Variants in ZBTB7C observed in about 807,000 individuals in gnomAD.
ZBTB7C encodes the protein zinc finger and BTB domain containing 7C, also known as zinc finger and BTB domain-containing protein 7C.
ZBTB7C carries 8 observed loss-of-function variants against 25.7 expected under a neutral mutation model. The ratio of observed to expected loss-of-function variants is 0.31; its 90% CI spans 0.18 to 0.56. The LOEUF is 0.56. Ranked by LOEUF, ZBTB7C falls within the 20% of genes least tolerant of loss-of-function variation. ZBTB7C has a pLI of 0.91. For missense variants in ZBTB7C, 824 were observed against 855.2 expected (o/e 0.96, Z 0.46); for synonymous variants, 394 against 369.0 (o/e 1.07, Z -0.78).
intron 3 of ZBTB7C, among the ~76,000 whole-genome samples, chr18:48,167,563 G>GGT (rs748451365): frequency 0.055 from 7,869 of 142,476 alleles, 554 homozygotes; most frequent in African/African-American, 0.17. Context: ...GCATTGCTAG[G>GGT]GTGTGTGTGT....
intron 1 of ZBTB7C, among the ~76,000 whole-genome samples, 195 bp downstream of exon 1, chr18:48,409,031 G>A (rs1276701180): frequency 2.0e-5 from 3 of 150,756 alleles, no homozygotes; most frequent in Non-Finnish European, 3.0e-5. Context: ...GGGCGCCCCT[G>A]CTCCAGCCGG....
chr18:48,062,272 T>A (rs72918189), intron 3 of ZBTB7C, among the ~76,000 whole-genome samples: 9 of 152,086 alleles, frequency 5.9e-5, no homozygotes, highest in African/African-American at 2.2e-4. Flanking sequence ...GGGGAACACC[T>A]TTAAGGGGCT....
At chr18:48,367,439 G>A (rs1417680213) in intron 1 of ZBTB7C, among the ~76,000 whole-genome samples, 2 of 147,642 alleles carry the variant, frequency 1.4e-5, no homozygotes, top group Non-Finnish European at 3.0e-5. Flanking sequence ...ATGTGACCTG[G>A]GAGACAGCAG....
intron 2 of ZBTB7C, among the ~76,000 whole-genome samples, chr18:48,194,283 A>C (rs1048404279): frequency 1.3e-5 from 2 of 152,184 alleles, no homozygotes; most frequent in African/African-American, 4.8e-5. Flanking sequence ...CAGCCAGGGG[A>C]GGAGGGATCT....
At chr18:48,153,105 C>A (rs537207623) in intron 3 of ZBTB7C, among the ~76,000 whole-genome samples, 1 of 152,358 alleles carries the variant, frequency 6.6e-6, no homozygotes, top group African/African-American at 2.4e-5. Flanking sequence ...CACAAAAGGG[C>A]TGGACTCTGA....
intron 3 of ZBTB7C, among the ~76,000 whole-genome samples, chr18:48,129,660 G>A (rs762637390): frequency 1.7e-4 from 26 of 152,218 alleles, no homozygotes; most frequent in Non-Finnish European, 2.6e-4. Context: ...GCCCGGAAGG[G>A]AGGGAGAGGC....
chr18:48,162,254 A>G (rs868542852), intron 3 of ZBTB7C: 29 of 424,882 alleles, frequency 6.8e-5, no homozygotes, highest in African/African-American at 5.7e-4. Context: ...TCTACCGGAA[A>G]CAGAGCCACG....
At chr18:48,207,985 C>A (rs574590590) in intron 2 of ZBTB7C, among the ~76,000 whole-genome samples, 2 of 146,688 alleles carry the variant, frequency 1.4e-5, no homozygotes, top group Non-Finnish European at 3.0e-5. Flanking sequence ...GAAAATTCAT[C>A]AAGCTGTGCA....
At chr18:48,117,469 C>T (rs771381756) in intron 3 of ZBTB7C, among the ~76,000 whole-genome samples, 3 of 152,164 alleles carry the variant, frequency 2.0e-5, no homozygotes, top group Admixed American at 6.5e-5. Context: ...AGAGAGACCA[C>T]GGGTTGAAGT....
At chr18:48,359,818 G>A (rs1296161073) in intron 1 of ZBTB7C, among the ~76,000 whole-genome samples, 2 of 152,246 alleles carry the variant, frequency 1.3e-5, no homozygotes, top group Non-Finnish European at 2.9e-5. Flanking sequence ...GCAGAAGGGA[G>A]GAGGGGAAGC....
At chr18:48,186,312 ACTTCT>A in intron 2 of ZBTB7C, among the ~76,000 whole-genome samples, 1 of 152,092 alleles carries the variant, frequency 6.6e-6, no homozygotes, top group Non-Finnish European at 1.5e-5. Context: ...TGAGGCCTCC[ACTTCT>A]GTAGCATGGG....
At chr18:48,365,350 C>A (rs989381929) in intron 1 of ZBTB7C, among the ~76,000 whole-genome samples, 4 of 152,168 alleles carry the variant, frequency 2.6e-5, no homozygotes, top group Non-Finnish European at 5.9e-5. Context: ...TTGATAAATT[C>A]TGTCCTTTGA....
chr18:48,412,315 AAG>A (rs1199525054), upstream of ZBTB7C, among the ~76,000 whole-genome samples: 2 of 152,342 alleles, frequency 1.3e-5, no homozygotes, highest in East Asian at 1.9e-4. Flanking sequence ...TTCAAGAAAA[AAG>A]AGGGGAATTA....
At chr18:48,232,310 C>T (rs560748988) in intron 2 of ZBTB7C, among the ~76,000 whole-genome samples, 34 of 152,284 alleles carry the variant, frequency 2.2e-4, no homozygotes, top group African/African-American at 8.2e-4. Flanking sequence ...AAGATTCTTC[C>T]CTATAACCTT....
chr18:48,132,299 A>C (rs528206696), intron 3 of ZBTB7C, among the ~76,000 whole-genome samples: 10 of 152,350 alleles, frequency 6.6e-5, no homozygotes, highest in African/African-American at 2.4e-4. Context: ...GTGTTAGGTT[A>C]GTTGAAAGAC....
intron 3 of ZBTB7C, among the ~76,000 whole-genome samples, chr18:48,122,741 T>C (rs1475584588): frequency 2.0e-5 from 3 of 152,188 alleles, no homozygotes; most frequent in Non-Finnish European, 2.9e-5. Flanking sequence ...CTTCCGGGAT[T>C]CTTGTCCTGC....
chr18:48,407,924 C>T (rs987082142), intron 1 of ZBTB7C, among the ~76,000 whole-genome samples: 5 of 152,246 alleles, frequency 3.3e-5, no homozygotes, highest in African/African-American at 1.2e-4. Context: ...GTTTCTACCT[C>T]GCTGCCCTGG....
At chr18:48,303,225 A>G (rs576744399) in intron 2 of ZBTB7C, among the ~76,000 whole-genome samples, 1 of 152,346 alleles carries the variant, frequency 6.6e-6, no homozygotes, top group South Asian at 2.1e-4. Flanking sequence ...AGGAGCCAGA[A>G]GAAGGTAAGC....
chr18:48,252,482 A>G (rs762120578), intron 2 of ZBTB7C: 6 of 152,238 alleles, frequency 3.9e-5, no homozygotes, highest in Non-Finnish European at 7.3e-5. Flanking sequence ...TCGTTCTTAA[A>G]TAATAAAAAA....
Sources: gnomAD v4.1 joint callset for allele counts (sites outside exome capture counted in the v4.1 genomes callset) on GRCh38, gnomAD v4.1.1 for gene constraint, MANE v1.5 for transcripts, NCBI Gene and HGNC (gene_info 2026-07-23, HGNC 2026-07-21) for gene names.